GABRA4: variants seen among roughly 807,000 people sequenced by gnomAD.
GABRA4 encodes the protein gamma-aminobutyric acid type A receptor subunit alpha4.
GABRA4 carries 12 observed loss-of-function variants against 49.7 expected under a neutral mutation model. The observed-to-expected ratio is 0.24, with a 90% CI of 0.15 to 0.39. The LOEUF (loss-of-function observed/expected upper bound fraction) is 0.39, where lower values mean the gene tolerates loss of function less well. Among genes scored for constraint, GABRA4 ranks in the 10% least tolerant of loss-of-function variants. GABRA4 has a pLI of 1.00. For missense variants in GABRA4, 506 were observed against 686.0 expected, an observed-to-expected ratio of 0.74 and a Z score of 2.93; for synonymous variants, 288 against 240.2, an observed-to-expected ratio of 1.20 and a Z score of -1.84.
intron 8 of GABRA4, among the ~76,000 whole-genome samples, chr4:46,932,727 T>A (rs887455231): frequency 3.9e-5 from 6 of 152,150 alleles, no homozygotes; most frequent in Middle Eastern, 3.2e-3. Flanking sequence ...TTGTCAGACA[T>A]TAAGCACTTC....
At chr4:46,963,409 C>G (rs1229959774) in intron 8 of GABRA4, among the ~76,000 whole-genome samples, 2 of 151,730 alleles carry the variant, frequency 1.3e-5, no homozygotes, top group South Asian at 2.1e-4. Flanking sequence ...GGGGGACAGT[C>G]TTTCCTGTGC....
chr4:46,983,775 G>A (rs1232951955), intron 2 of GABRA4, among the ~76,000 whole-genome samples: 1 of 152,010 alleles, frequency 6.6e-6, no homozygotes, highest in African/African-American at 2.4e-5. Flanking sequence ...ATAATTTTGA[G>A]CTTGGAAGGA....
At chr4:46,964,660 T>C (rs1185128931) in intron 8 of GABRA4, among the ~76,000 whole-genome samples, 1 of 151,816 alleles carries the variant, frequency 6.6e-6, no homozygotes, top group Non-Finnish European at 1.5e-5. Context: ...CACTTAAAGA[T>C]GTCCACAGGT....
At chr4:46,935,598 T>C (rs935933621) in intron 8 of GABRA4, among the ~76,000 whole-genome samples, 1 of 151,618 alleles carries the variant, frequency 6.6e-6, no homozygotes, top group Non-Finnish European at 1.5e-5. Flanking sequence ...AAGAATAGTC[T>C]ATGGAGTGGG....
intron 8 of GABRA4, among the ~76,000 whole-genome samples, chr4:46,941,590 A>G (rs1019243639): frequency 3.3e-5 from 5 of 152,136 alleles, no homozygotes; most frequent in Non-Finnish European, 7.4e-5. Flanking sequence ...AAATATTACT[A>G]TAGAATTGTC....
rs570893215 is a variant in GABRA4 at position 46,925,122 on chromosome 4, G to A, written c.*3103C>T. 2.0e-5 allele frequency: 3 copies of A among 151,924 alleles called. No individual in the cohort carries two copies. The highest frequency in any genetic ancestry group is 7.2e-5 in the African/African-American group (3 of 41,500). The allele number at this position is 151,924 out of a possible 1,614,324, so 9.4% of individuals were successfully genotyped here. A position where few individuals can be genotyped will look rare whatever the true frequency, so the allele number is the denominator to read the frequency against. ...TTGTTTATGCTTTGTTTGAAAAGGG[G>A]TCACTTTTAAGGTGAGATTATTGAA... On this transcript the variant is annotated 3_prime_UTR_variant, in exon 9 of 9. Transcript: ENST00000264318.
intron 8 of GABRA4, among the ~76,000 whole-genome samples, chr4:46,954,771 A>T (rs1374566730): frequency 6.6e-6 from 1 of 152,126 alleles, no homozygotes; most frequent in Admixed American, 6.6e-5. Context: ...AAATCCCTTA[A>T]TGCCTGCCTG....
chr4:46,993,479 C>T lies in GABRA4; in HGVS notation c.-55G>A, dbSNP rs772301049. On this transcript the variant is annotated 5_prime_UTR_variant, in exon 1 of 9. Coordinates refer to ENST00000264318, the MANE Select transcript of GABRA4 (RefSeq NM_000809.4). ...TCACGTTTCCAGGCTCTTCAGATGC[C>T]CTGAGCAGGGTGCGAGGAGAGGGCA... The T allele has an allele frequency of 1.5e-5, 24 of 1,576,250 alleles. No individual in the cohort carries two copies. Among genetic ancestry groups the T allele is most frequent in the Non-Finnish European group, 2.0e-5 (23 of 1,146,032 alleles).
chr4:46,992,793 A>T, intron 2 of GABRA4, 35 bp downstream of exon 2: 1 of 1,438,274 alleles, frequency 7.0e-7, no homozygotes, highest in Non-Finnish European at 9.8e-7. Context: ...AGAGGGACAG[A>T]CAGGACACAC....
chr4:46,964,729 G>A lies in GABRA4; in HGVS notation c.1134+241C>T, dbSNP rs564317477. Among the ~76,000 whole-genome samples, 40 of 151,796 alleles carry A rather than the reference G, an allele frequency of 2.6e-4. 1 individual carries two copies. Among genetic ancestry groups the A allele is most frequent in the African/African-American group, 4.8e-5 (2 of 41,470 alleles). ...TTCTGTAAAAAAAACCTGTAACTCC[G>A]AAAGAAACTTTCAAACAATTAGCTT... On this transcript the variant is annotated intron_variant, in intron 8 of 8. Transcript: ENST00000264318.
At chr4:46,932,744 T>A (rs1359369120) in intron 8 of GABRA4, among the ~76,000 whole-genome samples, 2 of 152,158 alleles carry the variant, frequency 1.3e-5, no homozygotes, top group Non-Finnish European at 2.9e-5. Flanking sequence ...CTTCTGTATT[T>A]AACCTACCAG....
intron 5 of GABRA4, 98 bp from the exon 6 acceptor site, chr4:46,974,473 A>G: frequency 2.6e-6 from 3 of 1,135,826 alleles, no homozygotes; most frequent in Non-Finnish European, 3.6e-6. Flanking sequence ...GAAAGATGGA[A>G]TAAATGAAAA....
chr4:46,977,691 AT>A (rs1455347909), intron 3 of GABRA4, 61 bp from the exon 4 acceptor site: 1 of 1,113,362 alleles, frequency 9.0e-7, no homozygotes, highest in Non-Finnish European at 1.3e-6. Context: ...GTATGTGAAA[AT>A]AATGCATTAA....
intron 8 of GABRA4, among the ~76,000 whole-genome samples, chr4:46,943,649 C>T (rs1304044303): frequency 6.6e-6 from 1 of 152,086 alleles, no homozygotes; most frequent in Admixed American, 6.6e-5. Context: ...CTCTCAGCCA[C>T]CTCAGATACC....
intron 3 of GABRA4, among the ~76,000 whole-genome samples, chr4:46,978,550 G>A (rs59173068): frequency 0.015 from 2,277 of 151,608 alleles, 49 homozygotes; most frequent in African/African-American, 0.052. Flanking sequence ...AGCCAGGCAC[G>A]GTGGGGCATG....
At chr4:46,988,396 A>C (rs1285047185) in intron 2 of GABRA4, among the ~76,000 whole-genome samples, 2 of 152,206 alleles carry the variant, frequency 1.3e-5, no homozygotes, top group Admixed American at 1.3e-4. Flanking sequence ...GGTTTCACAA[A>C]TGAATGAATG....
At chr4:46,975,264 T>C (rs1418615991) in intron 5 of GABRA4, among the ~76,000 whole-genome samples, 1 of 151,992 alleles carries the variant, frequency 6.6e-6, no homozygotes, top group Non-Finnish European at 1.5e-5. Flanking sequence ...CAAAAGGAGT[T>C]GACACCTAAG....
Position 46,922,936 on chromosome 4 carries a change from C to T in GABRA4, c.*5289G>A, listed in dbSNP as rs1560456439. On this transcript the variant is annotated 3_prime_UTR_variant, in exon 9 of 9. Coordinates refer to ENST00000264318, the MANE Select transcript of GABRA4 (RefSeq NM_000809.4). ...GGGCAGCACAACAGGAGGTGAGTGGCACCCATTGAGCATTATCGCCTGAGC... is the reference window on the plus strand; with the variant it reads ...GGGCAGCACAACAGGAGGTGAGTGGTACCCATTGAGCATTATCGCCTGAGC... 1 of 152,192 alleles carries T rather than the reference C, an allele frequency of 6.6e-6. No homozygotes were observed. Among genetic ancestry groups the T allele is most frequent in the African/African-American group, 2.4e-5 (1 of 41,418 alleles). 9.4% of individuals were successfully genotyped at this position (152,192 alleles called of 1,614,324 possible).
chr4:46,955,223 T>C (rs1434601648), intron 8 of GABRA4, among the ~76,000 whole-genome samples: 2 of 152,084 alleles, frequency 1.3e-5, no homozygotes, highest in Non-Finnish European at 2.9e-5. Flanking sequence ...CACCCTACCA[T>C]ATTATACTAT....
Sources: gnomAD v4.1 joint callset for allele counts (sites outside exome capture counted in the v4.1 genomes callset) on GRCh38, gnomAD v4.1.1 for gene constraint, MANE v1.5 for transcripts, NCBI Gene and HGNC (gene_info 2026-07-23, HGNC 2026-07-21) for gene names.